The following ASTN2 variants were observed in gnomAD, a reference collection of about 807,000 sequenced individuals.
The protein encoded by ASTN2 is astrotactin 2.
In ASTN2, 54 loss-of-function variants were observed where a neutral mutation model predicts 139.8. The observed-to-expected ratio is 0.39, with a 90% CI of 0.31 to 0.48. The LOEUF (loss-of-function observed/expected upper bound fraction) is 0.48. Among genes scored for constraint, ASTN2 ranks in the 20% least tolerant of loss-of-function variants. The pLI, the probability that ASTN2 is intolerant of heterozygous loss-of-function variation, is 0.95. For synonymous variants in ASTN2, 756 were observed against 719.5 expected, an observed-to-expected ratio of 1.05 and a Z score of -0.81; for missense variants, 1,565 against 1,725.1, an observed-to-expected ratio of 0.91 and a Z score of 1.64.
intron 3 of ASTN2, among the ~76,000 whole-genome samples, chr9:117,161,629 A>C (rs1830554496): frequency 6.6e-6 from 1 of 152,048 alleles, no homozygotes; most frequent in African/African-American, 2.4e-5. Context: ...CCTGACTTCA[A>C]GTGATCTGCC....
intron 3 of ASTN2, chr9:117,180,890 G>T: frequency 1.3e-6 from 2 of 1,586,630 alleles, no homozygotes; most frequent in Non-Finnish European, 1.7e-6. Context: ...TTGGCCCTGC[G>T]CAGGGCCTCA....
At chr9:116,791,417 T>C (rs1452583867) in intron 13 of ASTN2, among the ~76,000 whole-genome samples, 1 of 152,240 alleles carries the variant, frequency 6.6e-6, no homozygotes, top group Non-Finnish European at 1.5e-5. Context: ...GTGGACTCCA[T>C]TAAGAATGCA....
chr9:116,459,651 T>C (rs1018628461), intron 20 of ASTN2, among the ~76,000 whole-genome samples: 1 of 151,948 alleles, frequency 6.6e-6, no homozygotes, highest in African/African-American at 2.4e-5. Context: ...CACATGAAAA[T>C]ATGCTTGACA....
chr9:116,697,692 T>G (rs755938925), intron 16 of ASTN2: 2 of 1,610,718 alleles, frequency 1.2e-6, no homozygotes, highest in Non-Finnish European at 1.7e-6. Flanking sequence ...GCATGAATAC[T>G]GTGCTGTTCA....
chr9:116,614,748 T>C (rs1390013300), intron 19 of ASTN2, among the ~76,000 whole-genome samples: 2 of 152,138 alleles, frequency 1.3e-5, no homozygotes, highest in African/African-American at 4.8e-5. Context: ...ACTTAAATGT[T>C]AGACCTAAAA....
intron 2 of ASTN2, among the ~76,000 whole-genome samples, chr9:117,251,067 A>G (rs530703358): frequency 6.6e-6 from 1 of 152,298 alleles, no homozygotes; most frequent in East Asian, 1.9e-4. Flanking sequence ...AAATGGTTCT[A>G]TGAGTGAAGC....
intron 20 of ASTN2, among the ~76,000 whole-genome samples, chr9:116,463,497 C>T (rs933027677): frequency 2.0e-5 from 3 of 152,170 alleles, no homozygotes; most frequent in African/African-American, 7.2e-5. Context: ...CTCAAGCATG[C>T]CATTGTCCCT....
At chr9:117,140,528 A>G (rs974870949) in intron 4 of ASTN2, among the ~76,000 whole-genome samples, 2 of 152,032 alleles carry the variant, frequency 1.3e-5, no homozygotes, top group African/African-American at 4.8e-5. Flanking sequence ...TAGATGGTAG[A>G]AGAAGAAAGA....
chr9:117,103,075 G>C (rs548930634), intron 4 of ASTN2, among the ~76,000 whole-genome samples: 9 of 152,174 alleles, frequency 5.9e-5, no homozygotes, highest in Middle Eastern at 3.4e-3. Flanking sequence ...TGACCATTCA[G>C]TTTGTCCTAG....
At chr9:116,517,425 T>G (rs1490227417) in intron 19 of ASTN2, among the ~76,000 whole-genome samples, 1 of 152,086 alleles carries the variant, frequency 6.6e-6, no homozygotes, top group East Asian at 1.9e-4. Flanking sequence ...ACATTTCAGC[T>G]CTGAGGAAGC....
At chr9:117,321,307 T>C (rs777577410) in intron 1 of ASTN2, among the ~76,000 whole-genome samples, 2 of 152,170 alleles carry the variant, frequency 1.3e-5, no homozygotes, top group Non-Finnish European at 2.9e-5. Flanking sequence ...CAACAAAATA[T>C]TTTTGTCTCC....
At chr9:117,102,736 G>T (rs1308651982) in intron 4 of ASTN2, among the ~76,000 whole-genome samples, 1 of 152,168 alleles carries the variant, frequency 6.6e-6, no homozygotes, top group Non-Finnish European at 1.5e-5. Flanking sequence ...TGGCCAGGCT[G>T]GTCTTGAACT....
intron 1 of ASTN2, among the ~76,000 whole-genome samples, chr9:117,366,806 A>T (rs1212780494): frequency 2.0e-5 from 3 of 151,362 alleles, no homozygotes; most frequent in African/African-American, 7.3e-5. Flanking sequence ...ACGCAGTCTC[A>T]CTCTGTCTCC....
intron 19 of ASTN2, among the ~76,000 whole-genome samples, chr9:116,513,141 G>A (rs1850477662): frequency 6.6e-6 from 1 of 152,186 alleles, no homozygotes; most frequent in African/African-American, 2.4e-5. Flanking sequence ...GCTGGTACCA[G>A]CTGTTCCTTT....
chr9:117,275,251 C>A (rs573273826), intron 2 of ASTN2, among the ~76,000 whole-genome samples: 1 of 152,264 alleles, frequency 6.6e-6, no homozygotes, highest in African/African-American at 2.4e-5. Flanking sequence ...CGGCCTCTAC[C>A]CATTACTTAA....
At chr9:117,351,387 T>C (rs758377227) in intron 1 of ASTN2, among the ~76,000 whole-genome samples, 4 of 152,164 alleles carry the variant, frequency 2.6e-5, no homozygotes, top group South Asian at 4.1e-4. Context: ...ACCACATCTT[T>C]TAAAAACTGA....
Position 117,070,202 on chromosome 9 carries a change from C to T in ASTN2, c.1276+25842G>A, listed in dbSNP as rs568093105. On this transcript the variant is annotated intron_variant, in intron 5 of 22. Coordinates refer to ENST00000313400, the MANE Select transcript of ASTN2 (RefSeq NM_001365068.1). ...CTTCAGGAGCTCTTTTAGGGCAGGTCTGGTGGTGACAAAATCTCTCAGCAT... is the reference window on the plus strand; with the variant it reads ...CTTCAGGAGCTCTTTTAGGGCAGGTTTGGTGGTGACAAAATCTCTCAGCAT... 2.3e-5 allele frequency among the ~76,000 whole-genome samples: 3 copies of T among 131,568 alleles called. No individual in the cohort carries two copies. The South Asian group carries it at 8.8e-4, about 39-fold the overall frequency. The allele number at this position is 131,568 out of a possible 152,430, so 86.3% of individuals were successfully genotyped here.
chr9:116,757,146 G>A (rs999228683), intron 13 of ASTN2, among the ~76,000 whole-genome samples: 1 of 152,146 alleles, frequency 6.6e-6, no homozygotes, highest in Non-Finnish European at 1.5e-5. Context: ...ACTCCAAGCA[G>A]GTGGTGCGAA....
chr9:116,737,455 G>C (rs1828960913), intron 13 of ASTN2, among the ~76,000 whole-genome samples: 1 of 125,656 alleles, frequency 8.0e-6, no homozygotes, highest in South Asian at 2.8e-4. Flanking sequence ...GCGCTCGTGT[G>C]TGTGTGTGTG....
Sources: gnomAD v4.1 joint callset for allele counts (sites outside exome capture counted in the v4.1 genomes callset) on GRCh38, gnomAD v4.1.1 for gene constraint, MANE v1.5 for transcripts, NCBI Gene and HGNC (gene_info 2026-07-23, HGNC 2026-07-21) for gene names.